PRR3: variants seen among roughly 807,000 people sequenced by gnomAD.
The protein encoded by PRR3 is proline rich 3.
PRR3 carries 16 observed loss-of-function variants against 22.4 expected under a neutral mutation model. That is an observed-to-expected ratio of 0.71 (90% confidence interval 0.48 to 1.09). PRR3 has a LOEUF of 1.09. Among genes scored for constraint, PRR3 ranks in the 50% least tolerant of loss-of-function variants. The probability of loss-of-function intolerance (pLI) is 0.00; values close to 1 mark genes in which losing one functional copy is unlikely to be tolerated. For synonymous variants in PRR3, 87 were observed against 88.6 expected (o/e 0.98, Z 0.10); for missense variants, 224 against 243.4 (o/e 0.92, Z 0.53).
rs1365157753 is a variant in PRR3, at chr6:30,561,859, A to G, written c.195A>G (p.Ser65=). Residue 65 remains serine (S), a synonymous_variant, in exon 3 of 4, where the codon TCA becomes TCG. Transcript: ENST00000376560. The surrounding 1 kb of genome is among the most constrained non-coding windows in gnomAD (Gnocchi z 4.0). ...KSALHRGPPG[S]RGPLIPPLLS... The stretch of plus-strand genomic sequence containing the variant: ...CTCTTCACAGAGGTCCTCCAGGATC[A>G]AGGGGACCACTGATTCCACCACTGC... The G allele has an allele frequency of 6.3e-7, 1 of 1,575,104 alleles. No individual in the cohort carries two copies. Among genetic ancestry groups the G allele is most frequent in the Non-Finnish European group, 8.6e-7 (1 of 1,160,898 alleles).
chr6:30,559,101 G>C (rs1800452165), intron 2 of PRR3, among the ~76,000 whole-genome samples: 1 of 152,228 alleles, frequency 6.6e-6, no homozygotes, highest in East Asian at 1.9e-4. Flanking sequence ...TTTGCGGCTG[G>C]GTACAGTGGC....
rs1800766190 is a variant in PRR3 at position 30,563,249 on chromosome 6, G to A, written c.*754G>A. ...TGGACTTTCCCACTTCCCAACATGG[G>A]AGAATTGTGAACTTTCCATCAGACT... On this transcript the variant is annotated 3_prime_UTR_variant, in exon 4 of 4. Coordinates refer to ENST00000376560, the MANE Select transcript of PRR3 (RefSeq NM_025263.4). 1 of 152,630 alleles carries A rather than the reference G, an allele frequency of 6.6e-6. No individual in the cohort carries two copies. The highest frequency in any genetic ancestry group is 1.9e-4 in the East Asian group (1 of 5,198). The allele number at this position is 152,630 out of a possible 1,614,324, so 9.5% of individuals were successfully genotyped here. A position where few individuals can be genotyped will look rare whatever the true frequency, so the allele number is the denominator to read the frequency against.
At chr6:30,558,233 A>T in intron 2 of PRR3, 21 bp downstream of exon 2, 1 of 1,607,232 alleles carries the variant, frequency 6.2e-7, no homozygotes, top group Non-Finnish European at 8.5e-7. Context: ...AGGGGCCCTG[A>T]TCCTTGTATT....
At chr6:30,557,175 G>C, upstream of PRR3, 1 of 707,580 alleles carries the variant, frequency 1.4e-6, no homozygotes, top group Non-Finnish European at 2.6e-6. Context: ...GAGGGAGGCA[G>C]TTGGCTCCGG....
Position 30,562,605 on chromosome 6 carries a change from A to G in PRR3, c.*110A>G. The G allele has an allele frequency of 1.4e-6, 1 of 713,178 alleles. No homozygotes were observed. The highest frequency in any genetic ancestry group is 2.4e-6 in the Non-Finnish European group (1 of 408,770). The allele number at this position is 713,178 out of a possible 1,614,324, so 44.2% of individuals were successfully genotyped here. On this transcript the variant is annotated 3_prime_UTR_variant, in exon 4 of 4. Transcript: ENST00000376560. ...TGAGGCTCTTCTAACACCCTCAGTC[A>G]GTGACACACCCATCCCATCCACCAC...
Position 30,557,391 on chromosome 6 carries a change from AGCAGCCCCC to A in PRR3, c.50_58del (p.Gln17_Pro19del). The A allele has an allele frequency of 6.2e-7, 1 of 1,612,844 alleles. No homozygotes were observed. The highest frequency in any genetic ancestry group is 8.5e-7 in the Non-Finnish European group (1 of 1,179,996). ...AATCATCACCAGCCACCGACACAGC[AGCAGCCCCC>A]GCTGCCCGAGCGGGAAGAGACTGGA... is the stretch of plus-strand genomic sequence containing the variant. On this transcript the variant is annotated inframe_deletion, in exon 1 of 4. Transcript: ENST00000376560.
intron 1 of PRR3, among the ~76,000 whole-genome samples, 182 bp downstream of exon 1, chr6:30,557,632 A>T (rs1800347242): frequency 6.6e-6 from 1 of 152,270 alleles, no homozygotes; most frequent in South Asian, 2.1e-4. Flanking sequence ...TACTGGAACC[A>T]TCAACCTCAA....
chr6:30,560,495 CTT>C (rs1268028342), intron 2 of PRR3: 12 of 151,588 alleles, frequency 7.9e-5, no homozygotes, highest in African/African-American at 2.9e-4. Flanking sequence ...AGATAAAAAA[CTT>C]TTGGAGGTCG....
At chr6:30,558,485 G>A (rs1204776361) in intron 2 of PRR3, 4 of 467,166 alleles carry the variant, frequency 8.6e-6, no homozygotes, top group African/African-American at 5.8e-5. Flanking sequence ...AAAATATCAA[G>A]GCGACTATCA....
Position 30,563,428 on chromosome 6 carries a change from A to G in PRR3, c.*933A>G, listed in dbSNP as rs1800777794. The stretch of plus-strand genomic sequence containing the variant: ...TATGTCATTGTGAGGCCACCAGTCC[A>G]TTCATTTGAATTCTGTGAATCTCCA... On this transcript the variant is annotated 3_prime_UTR_variant, in exon 4 of 4. Transcript: ENST00000376560. 1 of 152,678 alleles carries G rather than the reference A, an allele frequency of 6.5e-6. No individual in the cohort carries two copies. The highest frequency in any genetic ancestry group is 6.5e-5 in the Admixed American group (1 of 15,286). The allele number at this position is 152,678 out of a possible 1,614,324, so 9.5% of individuals were successfully genotyped here. A position where few individuals can be genotyped will look rare whatever the true frequency, so the allele number is the denominator to read the frequency against.
At chr6:30,558,474 C>A in intron 2 of PRR3, 1 of 488,350 alleles carries the variant, frequency 2.0e-6, no homozygotes, top group South Asian at 3.0e-5. Flanking sequence ...TAGGGAAATG[C>A]AAAATATCAA....
At chr6:30,558,046 T>C in intron 1 of PRR3, 104 bp from the exon 2 acceptor site, 1 of 978,648 alleles carries the variant, frequency 1.0e-6, no homozygotes, top group African/African-American at 1.6e-5. Context: ...TACCTGACTT[T>C]ACTGGTTGAA....
In PRR3 at chr6:30,562,567, A is replaced by G. The variant is rs981925063; in HGVS notation, c.*72A>G. On this transcript the variant is annotated 3_prime_UTR_variant, in exon 4 of 4. Transcript: ENST00000376560. ...CGGCCATTTATTTCTCTGTAGCCCT[A>G]TGATGGCTACTGTGAGGCTCTTCTA... 5 of 944,292 alleles carry G rather than the reference A, an allele frequency of 5.3e-6. No homozygotes were observed. The highest frequency in any genetic ancestry group is 2.4e-5 in the East Asian group (1 of 41,740). 58.5% of individuals were successfully genotyped at this position (944,292 alleles called of 1,614,324 possible). A position where few individuals can be genotyped will look rare whatever the true frequency, so the allele number is the denominator to read the frequency against.
intron 2 of PRR3, 88 bp downstream of exon 2, chr6:30,558,300 A>G: frequency 9.3e-7 from 1 of 1,080,990 alleles, no homozygotes; most frequent in Non-Finnish European, 1.4e-6. Flanking sequence ...CTTAAAAATA[A>G]AAGATCAGGG....
intron 2 of PRR3, among the ~76,000 whole-genome samples, chr6:30,559,411 A>C (rs1196179608): frequency 6.6e-6 from 1 of 152,170 alleles, no homozygotes; most frequent in Non-Finnish European, 1.5e-5. Context: ...CTTGCCAAAT[A>C]ATACCATTAA....
upstream of PRR3, chr6:30,556,912 G>A (rs1800256095): frequency 3.3e-6 from 2 of 607,564 alleles, no homozygotes; most frequent in South Asian, 2.0e-5. The surrounding 1 kb of genome is among the most constrained non-coding windows in gnomAD (Gnocchi z 5.7). Context: ...GGACTTTTGG[G>A]GGGAGGTCAA....
chr6:30,558,710 C>T (rs776033090), intron 2 of PRR3, among the ~76,000 whole-genome samples: 3 of 152,124 alleles, frequency 2.0e-5, no homozygotes, highest in Admixed American at 6.5e-5. Flanking sequence ...ATAGTTACAA[C>T]GATGCAGTTT....
chr6:30,556,940 C>A, upstream of PRR3: 1 of 620,038 alleles, frequency 1.6e-6, no homozygotes. The surrounding 1 kb of genome is among the most constrained non-coding windows in gnomAD (Gnocchi z 5.7). Context: ...GAAGTTGTGC[C>A]TGCAGCTGTT....
In PRR3 at chr6:30,557,411, C is replaced by T; in HGVS notation, c.67C>T (p.Arg23Trp). ...PTQQQPPLPE[R>W]EETGDEEDGS... ...ACAGCAGCAGCCCCCGCTGCCCGAG[C>T]GGGAAGAGACTGGAGATGAGGAGGA... Residue 23 changes from arginine (R) to tryptophan (W), a missense_variant, in exon 1 of 4, where the codon CGG becomes TGG. Transcript: ENST00000376560. 6.2e-7 allele frequency: 1 copy of T among 1,612,398 alleles called. No homozygotes were observed. Among genetic ancestry groups the T allele is most frequent in the Non-Finnish European group, 8.5e-7 (1 of 1,179,844 alleles).
Sources: allele counts gnomAD v4.1 joint callset (sites outside exome capture counted in the v4.1 genomes callset), GRCh38; gene constraint gnomAD v4.1.1; non-coding constraint Gnocchi (gnomAD v3.1); transcripts MANE v1.5; gene names NCBI Gene and HGNC (gene_info 2026-07-23, HGNC 2026-07-21).